The following ADAMTS12 variants were observed in gnomAD, a reference collection of about 807,000 sequenced individuals.
ADAMTS12 encodes ADAM metallopeptidase with thrombospondin type 1 motif 12, also known as A disintegrin and metalloproteinase with thrombospondin motifs 12.
In ADAMTS12, 118 loss-of-function variants were observed where a neutral mutation model predicts 167.8. That is an observed-to-expected ratio of 0.70 (90% CI 0.61 to 0.82). The LOEUF (loss-of-function observed/expected upper bound fraction) is 0.82, where lower values mean the gene tolerates loss of function less well. Ranked by LOEUF, ADAMTS12 falls within the 40% of genes least tolerant of loss-of-function variation. ADAMTS12 has a pLI of 0.00. For missense variants in ADAMTS12, 1,916 were observed against 1,998.8 expected (o/e 0.96, Z 0.79); for synonymous variants, 704 against 716.9 (o/e 0.98, Z 0.29).
chr5:33,844,149 G>A (rs1000111837), intron 2 of ADAMTS12, among the ~76,000 whole-genome samples: 5 of 152,134 alleles, frequency 3.3e-5, no homozygotes, highest in Admixed American at 6.5e-5. Flanking sequence ...TGAGGAGGAT[G>A]TATGTTGCCT....
chr5:33,827,056 T>C (rs371241738), intron 2 of ADAMTS12, among the ~76,000 whole-genome samples: 3 of 122,798 alleles, frequency 2.4e-5, no homozygotes, highest in African/African-American at 8.5e-5. Context: ...TTAATGTCTA[T>C]GGAATGATGT....
intron 2 of ADAMTS12, among the ~76,000 whole-genome samples, chr5:33,796,465 T>A: frequency 6.6e-6 from 1 of 152,228 alleles, no homozygotes; most frequent in East Asian, 1.9e-4. Context: ...TATATTAATA[T>A]AGGTATGTAG....
At chr5:33,602,904 G>T (rs923310230) in intron 16 of ADAMTS12, among the ~76,000 whole-genome samples, 1 of 152,190 alleles carries the variant, frequency 6.6e-6, no homozygotes, top group Non-Finnish European at 1.5e-5. Context: ...TGTAGGCATG[G>T]TCTTTGCAGT....
At chr5:33,875,259 A>T (rs1750182699) in intron 2 of ADAMTS12, among the ~76,000 whole-genome samples, 1 of 152,242 alleles carries the variant, frequency 6.6e-6, no homozygotes, top group Non-Finnish European at 1.5e-5. Flanking sequence ...GATATATGTC[A>T]TTATAAATTG....
intron 2 of ADAMTS12, among the ~76,000 whole-genome samples, chr5:33,865,525 G>A (rs567974446): frequency 3.7e-4 from 56 of 152,190 alleles, no homozygotes; most frequent in African/African-American, 1.3e-3. Flanking sequence ...TGAAGGGGGG[G>A]AAGTTTAAAG....
At chr5:33,718,188 T>C (rs1417330300) in intron 3 of ADAMTS12, among the ~76,000 whole-genome samples, 2 of 152,244 alleles carry the variant, frequency 1.3e-5, no homozygotes, top group Non-Finnish European at 2.9e-5. Flanking sequence ...AGATCATCTA[T>C]CTCCATATGT....
chr5:33,648,942 A>T lies in ADAMTS12; in HGVS notation c.1359T>A (p.Asp453Glu). The change falls in exon 9 of 24, where the codon GAT becomes GAA. Residue 453 changes from aspartate (D) to glutamate (E), a missense_variant. Coordinates refer to ENST00000504830, the MANE Select transcript of ADAMTS12 (RefSeq NM_030955.4). ...TCAAGCCTTTCTTTTTAGGTATGTC[A>T]TCAAGACAGAACCCCCAGCCTCGGC... ...FLDRGWGFCL[D>E]DIPKKKGLKS... 4 of 1,614,072 alleles carry T rather than the reference A, an allele frequency of 2.5e-6. No homozygotes were observed. The highest frequency in any genetic ancestry group is 3.4e-6 in the Non-Finnish European group (4 of 1,179,944).
chr5:33,583,720 G>A (rs1481643118), intron 18 of ADAMTS12, among the ~76,000 whole-genome samples: 1 of 152,124 alleles, frequency 6.6e-6, no homozygotes, highest in Non-Finnish European at 1.5e-5. Flanking sequence ...TTATAGTTTT[G>A]ATTTGCATTT....
intron 22 of ADAMTS12, among the ~76,000 whole-genome samples, chr5:33,535,967 C>T (rs1579632031): frequency 6.6e-6 from 1 of 152,230 alleles, no homozygotes; most frequent in South Asian, 2.1e-4. Flanking sequence ...GATATGGTTC[C>T]ACTGCAATGT....
chr5:33,876,162 T>C (rs1387844618), intron 2 of ADAMTS12, among the ~76,000 whole-genome samples: 1 of 152,078 alleles, frequency 6.6e-6, no homozygotes, highest in Non-Finnish European at 1.5e-5. Flanking sequence ...TCTAAATAAA[T>C]CAAGACACAT....
intron 2 of ADAMTS12, among the ~76,000 whole-genome samples, chr5:33,802,995 G>A (rs1401286367): frequency 1.3e-5 from 2 of 152,154 alleles, no homozygotes; most frequent in African/African-American, 4.8e-5. Context: ...GCCCTCAGAA[G>A]GAGACTTACC....
intron 2 of ADAMTS12, among the ~76,000 whole-genome samples, chr5:33,863,920 T>C (rs1430355749): frequency 6.6e-6 from 1 of 152,186 alleles, no homozygotes; most frequent in Non-Finnish European, 1.5e-5. Context: ...AACCATCTGA[T>C]CTTTGATGAA....
At chr5:33,821,120 A>C (rs1747851506) in intron 2 of ADAMTS12, among the ~76,000 whole-genome samples, 1 of 152,180 alleles carries the variant, frequency 6.6e-6, no homozygotes, top group Admixed American at 6.6e-5. Context: ...CACAGAACCT[A>C]AAAGTTAAAA....
intron 2 of ADAMTS12, among the ~76,000 whole-genome samples, chr5:33,762,617 A>G (rs933359211): frequency 6.6e-6 from 1 of 152,126 alleles, no homozygotes; most frequent in African/African-American, 2.4e-5. Context: ...TGACAAGGCC[A>G]GAAGGGAAAA....
chr5:33,542,665 C>G (rs1420261747), intron 22 of ADAMTS12, among the ~76,000 whole-genome samples: 1 of 152,208 alleles, frequency 6.6e-6, no homozygotes, highest in Admixed American at 6.5e-5. Context: ...CAAACTGTCT[C>G]TCAGACCACA....
chr5:33,865,792 A>G (rs1749795909), intron 2 of ADAMTS12, among the ~76,000 whole-genome samples: 2 of 152,224 alleles, frequency 1.3e-5, no homozygotes, highest in African/African-American at 4.8e-5. Flanking sequence ...ATGTACAAAT[A>G]TCAGTAGCAT....
intron 23 of ADAMTS12, among the ~76,000 whole-genome samples, chr5:33,530,078 C>G (rs1443331177): frequency 1.5e-5 from 2 of 137,592 alleles, no homozygotes; most frequent in Admixed American, 1.5e-4. Flanking sequence ...TGCCACCATG[C>G]CCAGCTAATT....
chr5:33,570,287 G>A (rs372812596), intron 19 of ADAMTS12, among the ~76,000 whole-genome samples: 50 of 152,168 alleles, frequency 3.3e-4, no homozygotes, highest in African/African-American at 1.1e-3. Context: ...TCCAAGACAC[G>A]TAATTGTCAG....
At chr5:33,542,939 TC>T (rs2111796829) in intron 22 of ADAMTS12, among the ~76,000 whole-genome samples, 1 of 152,000 alleles carries the variant, frequency 6.6e-6, no homozygotes, top group African/African-American at 2.4e-5. Context: ...CACCCTAACA[TC>T]ACAATTAAAA....
Sources: gnomAD v4.1 joint callset for allele counts (sites outside exome capture counted in the v4.1 genomes callset) on GRCh38, gnomAD v4.1.1 for gene constraint, MANE v1.5 for transcripts, NCBI Gene and HGNC (gene_info 2026-07-23, HGNC 2026-07-21) for gene names.